Variants in AFAP1 observed in about 807,000 individuals in gnomAD.
AFAP1 encodes the protein actin filament-associated protein 1.
A neutral mutation model predicts 93.9 loss-of-function variants in AFAP1; 75 were observed. The observed-to-expected ratio is 0.80, with a 90% CI of 0.66 to 0.97. The LOEUF is 0.97. Among genes scored for constraint, AFAP1 ranks in the 50% least tolerant of loss-of-function variants. The probability of loss-of-function intolerance (pLI) is 0.00; values close to 1 mark genes in which losing one functional copy is unlikely to be tolerated. For synonymous variants in AFAP1, 517 were observed against 430.7 expected, an observed-to-expected ratio of 1.20 and a Z score of -2.48; for missense variants, 1,201 against 1,050.8, an observed-to-expected ratio of 1.14 and a Z score of -1.98.
At chr4:7,915,781 A>G (rs1720054268) in intron 1 of AFAP1, among the ~76,000 whole-genome samples, 1 of 152,240 alleles carries the variant, frequency 6.6e-6, no homozygotes, top group African/African-American at 2.4e-5. Context: ...AAGCCCCTCA[A>G]TGGAGAGTAG....
chr4:7,807,325 A>G (rs1719607489), intron 9 of AFAP1, among the ~76,000 whole-genome samples: 1 of 152,208 alleles, frequency 6.6e-6, no homozygotes, highest in Non-Finnish European at 1.5e-5. Context: ...ATAACTCTCA[A>G]GGGCTGATGT....
intron 3 of AFAP1, among the ~76,000 whole-genome samples, chr4:7,856,008 C>A (rs1715011657): frequency 6.6e-6 from 1 of 152,198 alleles, no homozygotes; most frequent in Non-Finnish European, 1.5e-5. Flanking sequence ...ATGGCCCTGC[C>A]ACAGGCGGTG....
intron 1 of AFAP1, among the ~76,000 whole-genome samples, chr4:7,938,120 G>A (rs1288293678): frequency 6.6e-6 from 1 of 152,274 alleles, no homozygotes; most frequent in South Asian, 2.1e-4. Context: ...CCTCAACAGA[G>A]TCCATAGCAA....
intron 2 of AFAP1, 91 bp downstream of exon 2, chr4:7,871,857 CAAAT>C: frequency 6.8e-7 from 1 of 1,472,282 alleles, no homozygotes; most frequent in Non-Finnish European, 9.2e-7. Context: ...AGTTAAAGAA[CAAAT>C]AAATATATTT....
At chr4:7,766,560 CGGG>C (rs1275572750) in intron 17 of AFAP1, among the ~76,000 whole-genome samples, 2 of 114,164 alleles carry the variant, frequency 1.8e-5, no homozygotes, top group African/African-American at 3.7e-5. Flanking sequence ...GACTGTGTCA[CGGG>C]AGGGAAACAG....
chr4:7,834,092 T>C (rs866394824), intron 6 of AFAP1, among the ~76,000 whole-genome samples: 66 of 126,664 alleles, frequency 5.2e-4, no homozygotes, highest in African/African-American at 1.7e-3. Flanking sequence ...AACTGTGGCA[T>C]ACACACACAC....
rs774246923 is a variant in AFAP1 at position 7,762,632 on chromosome 4, G to C, written c.*1133C>G. 12 of 152,372 alleles carry C rather than the reference G, an allele frequency of 7.9e-5. No homozygotes were observed. Among genetic ancestry groups the C allele is most frequent in the Non-Finnish European group, 1.3e-4 (9 of 68,064 alleles). 9.4% of individuals were successfully genotyped at this position (152,372 alleles called of 1,614,324 possible). A position where few individuals can be genotyped will look rare whatever the true frequency, so the allele number is the denominator to read the frequency against. Reference sequence around the variant, plus strand: ...GCACAGAAGGCAAGCAAGAAAGCTGGGAAAGAGGCCCTACTTGCACCCACC... The same window carrying C: ...GCACAGAAGGCAAGCAAGAAAGCTGCGAAAGAGGCCCTACTTGCACCCACC... On this transcript the variant is annotated 3_prime_UTR_variant, in exon 18 of 18. Transcript: ENST00000420658.
intron 9 of AFAP1, 70 bp downstream of exon 9, chr4:7,809,544 G>A (rs1358829222): frequency 6.9e-5 from 105 of 1,530,338 alleles, no homozygotes; most frequent in Middle Eastern, 2.2e-4. Context: ...ACTGGGTACC[G>A]ACACCACTGC....
intron 10 of AFAP1, among the ~76,000 whole-genome samples, chr4:7,799,331 C>CA (rs10624530): frequency 4.6e-4 from 68 of 147,320 alleles, no homozygotes; most frequent in East Asian, 4.4e-3. Context: ...TCATCCCCAC[C>CA]AAAAAAAAAA....
At chr4:7,915,486 A>AG (rs986048983) in intron 1 of AFAP1, among the ~76,000 whole-genome samples, 9 of 152,072 alleles carry the variant, frequency 5.9e-5, no homozygotes, top group East Asian at 1.9e-4. Flanking sequence ...CTAAAAAAAA[A>AG]AAGAAGAAGA....
intron 11 of AFAP1, among the ~76,000 whole-genome samples, chr4:7,790,920 G>C (rs1378870528): frequency 6.6e-6 from 1 of 152,138 alleles, no homozygotes; most frequent in African/African-American, 2.4e-5. Context: ...ACTTGTCAAG[G>C]CTATTGACCT....
At chr4:7,765,599 T>C (rs940669891) in intron 17 of AFAP1, among the ~76,000 whole-genome samples, 1 of 152,142 alleles carries the variant, frequency 6.6e-6, no homozygotes, top group African/African-American at 2.4e-5. Flanking sequence ...TACGTGGATT[T>C]GAAATGGGGT....
chr4:7,873,743 C>G (rs1717276036), intron 1 of AFAP1, among the ~76,000 whole-genome samples: 1 of 152,180 alleles, frequency 6.6e-6, no homozygotes, highest in Non-Finnish European at 1.5e-5. Context: ...AGAAAAATCA[C>G]TCTTGTGAGT....
chr4:7,863,069 C>T (rs139752687), intron 3 of AFAP1, among the ~76,000 whole-genome samples: 222 of 152,320 alleles, frequency 1.5e-3, no homozygotes, highest in Non-Finnish European at 2.8e-3. Flanking sequence ...TTGCTGCAAA[C>T]GAAATGCAAT....
intron 4 of AFAP1, among the ~76,000 whole-genome samples, chr4:7,854,006 C>T (rs553834051): frequency 6.6e-6 from 1 of 152,206 alleles, no homozygotes; most frequent in African/African-American, 2.4e-5. Flanking sequence ...AAATGACCAA[C>T]AGCCCCCAAA....
chr4:7,932,350 A>C (rs1320861631), intron 1 of AFAP1, among the ~76,000 whole-genome samples: 1 of 152,192 alleles, frequency 6.6e-6, no homozygotes, highest in East Asian at 1.9e-4. Flanking sequence ...CTAACTATTA[A>C]TAAAGGTACA....
chr4:7,927,493 G>C (rs1456469824), intron 1 of AFAP1, among the ~76,000 whole-genome samples: 1 of 152,128 alleles, frequency 6.6e-6, no homozygotes, highest in Non-Finnish European at 1.5e-5. Flanking sequence ...GGAGTTCAAC[G>C]GACACGTATT....
In AFAP1 at chr4:7,809,065, T is replaced by G. The variant is rs1418142105; in HGVS notation, c.1054+549A>C. Among the ~76,000 whole-genome samples, 4 of 25,200 alleles carry G rather than the reference T, an allele frequency of 1.6e-4. No homozygotes were observed. The East Asian group carries it at 0.016, about 104-fold the overall frequency. The allele number at this position is 25,200 out of a possible 152,430, so 16.5% of individuals were successfully genotyped here. A position where few individuals can be genotyped will look rare whatever the true frequency, so the allele number is the denominator to read the frequency against. On this transcript the variant is annotated intron_variant, in intron 9 of 17. Coordinates refer to ENST00000420658, the MANE Select transcript of AFAP1 (RefSeq NM_001134647.2). ...TAAGGAAGCTTAGTTTTGTTTTTGTTTTTTTTTTTTATACTTTAAGTTTTA... is the reference window on the plus strand; with the variant it reads ...TAAGGAAGCTTAGTTTTGTTTTTGTGTTTTTTTTTTATACTTTAAGTTTTA...
chr4:7,914,115 C>T (rs139291527), intron 1 of AFAP1, among the ~76,000 whole-genome samples: 5,062 of 151,384 alleles, frequency 0.033, 110 homozygotes, highest in Middle Eastern at 0.058. Flanking sequence ...AGTGCAGTGG[C>T]GCGATCTCAG....
Sources: allele counts gnomAD v4.1 joint callset (sites outside exome capture counted in the v4.1 genomes callset), GRCh38; gene constraint gnomAD v4.1.1; transcripts MANE v1.5; gene names NCBI Gene and HGNC (gene_info 2026-07-23, HGNC 2026-07-21).